Variants in CDKAL1 observed in about 807,000 individuals in gnomAD.
CDKAL1 encodes threonylcarbamoyladenosine tRNA methylthiotransferase.
A neutral mutation model predicts 68.2 loss-of-function variants in CDKAL1; 32 were observed. That is an observed-to-expected ratio of 0.47 (90% confidence interval 0.35 to 0.63). The LOEUF (loss-of-function observed/expected upper bound fraction) is 0.63. Ranked by LOEUF, CDKAL1 falls within the 30% of genes least tolerant of loss-of-function variation. The probability of loss-of-function intolerance (pLI) is 0.00; values close to 1 mark genes in which losing one functional copy is unlikely to be tolerated. For synonymous variants in CDKAL1, 234 were observed against 244.3 expected (o/e 0.96, Z 0.39); for missense variants, 606 against 696.7 (o/e 0.87, Z 1.47).
At chr6:21,014,269 T>C (rs1225464842) in intron 11 of CDKAL1, among the ~76,000 whole-genome samples, 2 of 152,128 alleles carry the variant, frequency 1.3e-5, no homozygotes, top group Non-Finnish European at 1.5e-5. Flanking sequence ...GGAATGGATA[T>C]AAAGGGGCCA....
chr6:20,885,211 A>G (rs1280289910), intron 9 of CDKAL1, among the ~76,000 whole-genome samples: 1 of 152,170 alleles, frequency 6.6e-6, no homozygotes, highest in African/African-American at 2.4e-5. Flanking sequence ...GCCCTGAGTA[A>G]CCAAAGCAGT....
Position 21,201,253 on chromosome 6 carries a change from A to C in CDKAL1, c.1527A>C (p.Gly509=). 6.2e-7 allele frequency: 1 copy of C among 1,610,272 alleles called. No individual in the cohort carries two copies. Among genetic ancestry groups the C allele is most frequent in the African/African-American group, 1.3e-5 (1 of 74,992 alleles). ...CCATCAGCAAACCGCTAGCAAAGGG[A>C]GAAGTCTCGGGTTTGACAAAGGTAA... ...TPSISKPLAK[G]EVSGLTKDFR... Residue 509 remains glycine (G), a synonymous_variant, in exon 15 of 16, where the codon GGA becomes GGC. Transcript: ENST00000274695.
At chr6:20,637,883 A>G (rs971581865) in intron 4 of CDKAL1, among the ~76,000 whole-genome samples, 4 of 151,832 alleles carry the variant, frequency 2.6e-5, no homozygotes, top group African/African-American at 9.7e-5. Flanking sequence ...ATATATTTTT[A>G]TTGTCTTATT....
At chr6:20,829,428 G>A (rs1262557068) in intron 8 of CDKAL1, among the ~76,000 whole-genome samples, 2 of 152,064 alleles carry the variant, frequency 1.3e-5, no homozygotes, top group African/African-American at 2.4e-5. Context: ...GATTCATTTC[G>A]ATTCCTATAT....
At chr6:20,663,870 G>A (rs187768013) in intron 5 of CDKAL1, among the ~76,000 whole-genome samples, 3 of 151,988 alleles carry the variant, frequency 2.0e-5, no homozygotes, top group Admixed American at 6.6e-5. Flanking sequence ...ATAATTAAGC[G>A]TTTAGAAAAT....
At chr6:20,724,681 A>G (rs186326218) in intron 5 of CDKAL1, among the ~76,000 whole-genome samples, 1 of 152,324 alleles carries the variant, frequency 6.6e-6, no homozygotes, top group Admixed American at 6.5e-5. Flanking sequence ...CCTGTCTGAA[A>G]CAGTGAGACC....
intron 5 of CDKAL1, among the ~76,000 whole-genome samples, chr6:20,725,783 TAAAAAA>T (rs67587689): frequency 4.0e-5 from 4 of 99,084 alleles, no homozygotes; most frequent in Admixed American, 3.3e-4. Context: ...AAACTCCGTC[TAAAAAA>T]AAAAAAAAAA....
chr6:20,815,134 T>C (rs1276377138), intron 8 of CDKAL1, among the ~76,000 whole-genome samples: 1 of 152,248 alleles, frequency 6.6e-6, no homozygotes, highest in Non-Finnish European at 1.5e-5. Flanking sequence ...CCTGTCACTT[T>C]ATTTTGGCCA....
intron 4 of CDKAL1, among the ~76,000 whole-genome samples, chr6:20,568,754 A>T (rs1328297047): frequency 5.5e-5 from 2 of 36,246 alleles, no homozygotes; most frequent in Non-Finnish European, 1.1e-4. Flanking sequence ...AAAAAAACAA[A>T]AAAACAAAAA....
At chr6:20,574,455 G>GTTCATAGTT (rs1474757695) in intron 4 of CDKAL1, among the ~76,000 whole-genome samples, 1 of 152,122 alleles carries the variant, frequency 6.6e-6, no homozygotes, top group African/African-American at 2.4e-5. Context: ...GTGAAAAGTA[G>GTTCATAGTT]TTCATAGTTT....
chr6:21,132,390 A>G (rs1404491705), intron 13 of CDKAL1, among the ~76,000 whole-genome samples: 1 of 152,232 alleles, frequency 6.6e-6, no homozygotes, highest in Non-Finnish European at 1.5e-5. Context: ...ACAATTTTAT[A>G]TAAGTTAGGA....
chr6:20,675,722 A>G (rs1473194307), intron 5 of CDKAL1, among the ~76,000 whole-genome samples: 1 of 152,054 alleles, frequency 6.6e-6, no homozygotes, highest in Admixed American at 6.6e-5. Context: ...ACAAATGACT[A>G]TTTTACTGGT....
At chr6:21,190,081 G>C (rs1445458592) in intron 13 of CDKAL1, among the ~76,000 whole-genome samples, 1 of 152,032 alleles carries the variant, frequency 6.6e-6, no homozygotes, top group African/African-American at 2.4e-5. Flanking sequence ...TATTATTTCA[G>C]AGTTGAAGGT....
intron 5 of CDKAL1, among the ~76,000 whole-genome samples, chr6:20,678,313 C>G (rs13200946): frequency 0.03 from 4,586 of 152,196 alleles, 108 homozygotes; most frequent in Non-Finnish European, 0.046. Context: ...AAGTGCTTTT[C>G]TTTTCATATT....
chr6:20,787,035 C>T (rs1433331522), intron 8 of CDKAL1, among the ~76,000 whole-genome samples: 1 of 152,076 alleles, frequency 6.6e-6, no homozygotes, highest in Non-Finnish European at 1.5e-5. Context: ...TTTTAAGATA[C>T]TCCTATCAGA....
At chr6:20,947,088 G>A (rs1412536384) in intron 9 of CDKAL1, among the ~76,000 whole-genome samples, 2 of 151,292 alleles carry the variant, frequency 1.3e-5, no homozygotes, top group African/African-American at 4.9e-5. Context: ...TTGCTAGAAG[G>A]AGTCAATGAA....
intron 9 of CDKAL1, among the ~76,000 whole-genome samples, chr6:20,903,337 A>G (rs1270533920): frequency 6.6e-6 from 1 of 152,206 alleles, no homozygotes; most frequent in African/African-American, 2.4e-5. Flanking sequence ...GTGTTCTTGA[A>G]TAAAGTGCTG....
rs1324120643 is a variant in CDKAL1 at position 21,201,133 on chromosome 6, G to A, written c.1407G>A (p.Ala469=). ...AGGTTTTAGTGCCAAAGAACCCTGCGTTCATGGGGAAGATGGTTGAAGTGG... is the reference window on the plus strand; with the variant it reads ...AGGTTTTAGTGCCAAAGAACCCTGCATTCATGGGGAAGATGGTTGAAGTGG... ...YEQVLVPKNP[A]FMGKMVEVDI... The change falls in exon 15 of 16, where the codon GCG becomes GCA. Residue 469 remains alanine, a synonymous_variant. Coordinates refer to ENST00000274695, the MANE Select transcript of CDKAL1 (RefSeq NM_017774.3). The A allele has an allele frequency of 9.3e-6, 15 of 1,612,946 alleles. No individual in the cohort carries two copies. Among genetic ancestry groups the A allele is most frequent in the African/African-American group, 2.7e-5 (2 of 74,898 alleles).
intron 8 of CDKAL1, among the ~76,000 whole-genome samples, chr6:20,797,363 T>C (rs898021256): frequency 6.6e-6 from 1 of 152,232 alleles, no homozygotes; most frequent in Non-Finnish European, 1.5e-5. Flanking sequence ...GGAGAGGATG[T>C]AGAGCAATTA....
Sources: allele counts gnomAD v4.1 joint callset (sites outside exome capture counted in the v4.1 genomes callset), GRCh38; gene constraint gnomAD v4.1.1; transcripts MANE v1.5; gene names NCBI Gene and HGNC (gene_info 2026-07-23, HGNC 2026-07-21).